The following HAL variants were observed in gnomAD, a reference collection of about 807,000 sequenced individuals.
The protein encoded by HAL is histidase.
Under a neutral mutation model 81.1 loss-of-function variants are expected in HAL, and 85 were observed. That is an observed-to-expected ratio of 1.05 (90% CI 0.88 to 1.25). The LOEUF (loss-of-function observed/expected upper bound fraction) is 1.25, where lower values mean the gene tolerates loss of function less well. Ranked by LOEUF, HAL falls within the 50% of genes most tolerant of loss-of-function variation. HAL has a pLI of 0.00. For synonymous variants in HAL, 301 were observed against 309.2 expected (o/e 0.97, Z 0.28); for missense variants, 798 against 836.6 (o/e 0.95, Z 0.57).
rs1213493714 is a variant in HAL at position 95,977,981 on chromosome 12, T to C, written c.1617A>G (p.Ala539=). 2 of 1,614,190 alleles carry C rather than the reference T, an allele frequency of 1.2e-6. No homozygotes were observed. Among genetic ancestry groups the C allele is most frequent in the East Asian group, 2.2e-5 (1 of 44,878 alleles). Residue 539 remains alanine (A), a synonymous_variant, in exon 18 of 21, where the codon GCA becomes GCG. Coordinates refer to ENST00000261208, the MANE Select transcript of HAL (RefSeq NM_002108.4). ...GCTCGATGACCCTGAGGGCTTTCCT[T>C]GCTGCCCATCCTCCCATGGAGACGT... ...EDHVSMGGWA[A]RKALRVIEHV...
chr12:95,978,156 G>A, intron 17 of HAL, 78 bp from the exon 18 acceptor site: 1 of 1,093,282 alleles, frequency 9.1e-7, no homozygotes, highest in Non-Finnish European at 1.4e-6. Context: ...TCCACAGAGT[G>A]CTCCACAGCA....
chr12:95,983,563 C>CG, intron 15 of HAL: 1 of 352,784 alleles, frequency 2.8e-6, no homozygotes, highest in Non-Finnish European at 5.3e-6. Flanking sequence ...TTGTGACCCA[C>CG]GTCTTCACCC....
At chr12:95,975,375 A>G (rs1032537946) in intron 20 of HAL, among the ~76,000 whole-genome samples, 3 of 147,336 alleles carry the variant, frequency 2.0e-5, no homozygotes, top group Admixed American at 1.4e-4. Context: ...TAAGCATAAC[A>G]TCATCTCAAA....
intron 20 of HAL, among the ~76,000 whole-genome samples, chr12:95,975,612 ATTAT>A (rs370842175): frequency 3.3e-5 from 5 of 152,258 alleles, no homozygotes; most frequent in Non-Finnish European, 7.3e-5. Flanking sequence ...AGCCTTTCCT[ATTAT>A]TTTTTATGAC....
At chr12:95,975,229 GA>G (rs1220522217) in intron 20 of HAL, among the ~76,000 whole-genome samples, 1 of 152,140 alleles carries the variant, frequency 6.6e-6, no homozygotes, top group Non-Finnish European at 1.5e-5. Flanking sequence ...CAGACCTACT[GA>G]ATCCACACCT....
chr12:95,977,607 C>T (rs1362593366), intron 18 of HAL, among the ~76,000 whole-genome samples: 1 of 139,818 alleles, frequency 7.2e-6, no homozygotes, highest in Non-Finnish European at 1.5e-5. Flanking sequence ...TGCAACACTG[C>T]ACTCCAGCCT....
At position 95,976,863 on chromosome 12, in the gene HAL, A is replaced by C. The variant is rs186287239; in HGVS notation, c.1655-157T>G. On this transcript the variant is annotated intron_variant, in intron 18 of 20. Transcript: ENST00000261208. The stretch of plus-strand genomic sequence containing the variant: ...GAAGTTGCTTTGGTATTTAGTTGCC[A>C]TTTTAACCTGTTTTCTAACCCCTTG... Among the ~76,000 whole-genome samples, 177 of 152,266 alleles carry C rather than the reference A, an allele frequency of 1.2e-3. 1 individual carries two copies. Among genetic ancestry groups the C allele is most frequent in the Admixed American group, 5.7e-3 (88 of 15,306 alleles).
At chr12:95,986,617 C>T (rs1949892125) in intron 12 of HAL, among the ~76,000 whole-genome samples, 1 of 152,302 alleles carries the variant, frequency 6.6e-6, no homozygotes, top group African/African-American at 2.4e-5. Flanking sequence ...TTAACTCATT[C>T]ACTTTTAGAC....
rs1480293258 is a variant in HAL, at chr12:95,993,853, G to A, written c.485-15C>T. The A allele has an allele frequency of 6.6e-7, 1 of 1,516,140 alleles. No homozygotes were observed. Among genetic ancestry groups the A allele is most frequent in the East Asian group, 2.3e-5 (1 of 44,422 alleles). The allele number at this position is 1,516,140 out of a possible 1,614,324, so 93.9% of individuals were successfully genotyped here. On this transcript the variant is annotated splice_polypyrimidine_tract_variant and intron_variant, in intron 6 of 20. Coordinates refer to ENST00000261208, the MANE Select transcript of HAL (RefSeq NM_002108.4). ...ACCGTAAACAACTAGAATAAAAAGAGACATTATGCAATTAAATGCAGGGAT... is the reference window on the plus strand; with the variant it reads ...ACCGTAAACAACTAGAATAAAAAGAAACATTATGCAATTAAATGCAGGGAT...
chr12:95,995,541 C>T, intron 2 of HAL, 123 bp downstream of exon 2: 1 of 1,366,370 alleles, frequency 7.3e-7, no homozygotes, highest in Admixed American at 1.7e-5. Flanking sequence ...TGTGCCTGCA[C>T]AGGGCCAGCC....
In HAL at chr12:95,972,943, T is replaced by C. The variant is rs1361178726; in HGVS notation, c.*1289A>G. On this transcript the variant is annotated 3_prime_UTR_variant, in exon 21 of 21. Transcript: ENST00000261208. ...AAGGAATAGCACCAAGAACAACCTTTAGGTAAACAGTCTCCTCAGCACATT... is the reference window on the plus strand; with the variant it reads ...AAGGAATAGCACCAAGAACAACCTTCAGGTAAACAGTCTCCTCAGCACATT... 6.6e-6 allele frequency: 1 copy of C among 152,226 alleles called. No individual in the cohort carries two copies. The highest frequency in any genetic ancestry group is 1.5e-5 in the Non-Finnish European group (1 of 68,046). The allele number at this position is 152,226 out of a possible 1,614,324, so 9.4% of individuals were successfully genotyped here.
rs200270904 is a variant in HAL at position 95,978,015 on chromosome 12, G to A, written c.1583C>T (p.Thr528Met). The A allele has an allele frequency of 3.3e-4, 528 of 1,612,572 alleles. 1 individual carries two copies. The highest frequency in any genetic ancestry group is 4.2e-4 in the Non-Finnish European group (491 of 1,178,518). Reference sequence around the variant, plus strand: ...TCCTCCCATGGAGACGTGGTCCTCCGTGGCTGCGCTGGTGGAGAGGGAGTC... The same window carrying A: ...TCCTCCCATGGAGACGTGGTCCTCCATGGCTGCGCTGGTGGAGAGGGAGTC... ...SVDSLSTSAA[T>M]EDHVSMGGWA... The change falls in exon 18 of 21, where the codon ACG becomes ATG. Residue 528 changes from threonine (T) to methionine (M), a missense_variant. By Grantham distance (81) the Thr-to-Met change is moderately conservative. Coordinates refer to ENST00000261208, the MANE Select transcript of HAL (RefSeq NM_002108.4).
rs17024937 is a variant in HAL, at chr12:95,982,313, T to C, written c.1288-1450A>G. Among the ~76,000 whole-genome samples, 1,491 of 152,322 alleles carry C rather than the reference T, an allele frequency of 9.8e-3. 18 individuals are homozygous for C. Among genetic ancestry groups the C allele is most frequent in the African/African-American group, 0.035 (1,443 of 41,566 alleles). ...TTTATCAATAATTAGCAATCTTTAA[T>C]TGAAAAAAATAAAAGACTTTTGGCT... On this transcript the variant is annotated intron_variant, in intron 15 of 20. Transcript: ENST00000261208.
At chr12:95,975,777 A>G (rs952809598) in intron 20 of HAL, among the ~76,000 whole-genome samples, 7 of 152,314 alleles carry the variant, frequency 4.6e-5, no homozygotes, top group African/African-American at 1.7e-4. Context: ...TCACTGCCCC[A>G]GAGCAGAGCA....
chr12:95,995,190 A>G, intron 2 of HAL, 197 bp from the exon 3 acceptor site: 1 of 641,028 alleles, frequency 1.6e-6, no homozygotes, highest in Non-Finnish European at 2.8e-6. Flanking sequence ...GTGTCAGGGC[A>G]GAGACCAGGG....
intron 9 of HAL, among the ~76,000 whole-genome samples, chr12:95,990,885 A>T (rs1271109201): frequency 2.6e-5 from 4 of 152,138 alleles, no homozygotes; most frequent in African/African-American, 9.7e-5. Context: ...CGAGGCGGGC[A>T]TATCACTTGA....
At chr12:95,979,986 A>T (rs1215654485) in intron 17 of HAL, among the ~76,000 whole-genome samples, 1 of 152,226 alleles carries the variant, frequency 6.6e-6, no homozygotes, top group Admixed American at 6.5e-5. Context: ...CACTGTTCTG[A>T]TGTGTTAATC....
At chr12:95,986,953 T>A in intron 12 of HAL, 114 bp downstream of exon 12, 1 of 905,860 alleles carries the variant, frequency 1.1e-6, no homozygotes, top group Non-Finnish European at 1.8e-6. Flanking sequence ...GGCACTTGGG[T>A]TTTCTCCTTC....
intron 14 of HAL, 104 bp downstream of exon 14, chr12:95,985,804 G>T: frequency 2.6e-6 from 2 of 767,018 alleles, no homozygotes; most frequent in Non-Finnish European, 2.2e-6. Context: ...ACCATTACAT[G>T]TTTTTCTAAC....
Sources: allele counts gnomAD v4.1 joint callset (sites outside exome capture counted in the v4.1 genomes callset), GRCh38; gene constraint gnomAD v4.1.1; transcripts MANE v1.5; gene names NCBI Gene and HGNC (gene_info 2026-07-23, HGNC 2026-07-21).